Variants in GPD1 observed in about 807,000 individuals in gnomAD.
The protein encoded by GPD1 is glycerol-3-phosphate dehydrogenase [NAD(+)], cytoplasmic.
Under a neutral mutation model 34.4 loss-of-function variants are expected in GPD1, and 19 were observed. The ratio of observed to expected loss-of-function variants is 0.55; its 90% confidence interval spans 0.39 to 0.81. The LOEUF is 0.81. Ranked by LOEUF, GPD1 falls within the 30% of genes least tolerant of loss-of-function variation. GPD1 has a pLI of 0.00. For synonymous variants in GPD1, 172 were observed against 174.1 expected (o/e 0.99, Z 0.09); for missense variants, 429 against 447.0 (o/e 0.96, Z 0.36).
Position 50,109,409 on chromosome 12 carries a change from C to G in GPD1, c.954-14C>G, listed in dbSNP as rs376183083. The G allele has an allele frequency of 1.2e-5, 16 of 1,382,188 alleles. No individual in the cohort carries two copies. Among genetic ancestry groups the G allele is most frequent in the Admixed American group, 5.0e-5 (3 of 59,722 alleles). 85.6% of individuals were successfully genotyped at this position (1,382,188 alleles called of 1,614,324 possible). A position where few individuals can be genotyped will look rare whatever the true frequency, so the allele number is the denominator to read the frequency against. ...AGTGGGAGGCTAAGCTGAGCCTTTC[C>G]CTCTCCAATCTAGGTTTCCCTTGTT... On this transcript the variant is annotated splice_polypyrimidine_tract_variant and intron_variant, in intron 7 of 7. Coordinates refer to ENST00000301149, the MANE Select transcript of GPD1 (RefSeq NM_005276.4).
intron 1 of GPD1, 162 bp downstream of exon 1, chr12:50,104,253 AC>A: frequency 1.3e-6 from 1 of 748,130 alleles, no homozygotes; most frequent in South Asian, 1.5e-5. Context: ...CCCTCTCCTG[AC>A]CCCCGCCCTC....
At position 50,105,658 on chromosome 12, in the gene GPD1, G is replaced by A. The variant is rs771458779; in HGVS notation, c.330G>A (p.Lys110=). 6.2e-7 allele frequency: 1 copy of A among 1,614,208 alleles called. No individual in the cohort carries two copies. Among genetic ancestry groups the A allele is most frequent in the Non-Finnish European group, 8.5e-7 (1 of 1,180,026 alleles). The change falls in exon 3 of 8, where the codon AAG becomes AAA. Residue 110 remains lysine, a synonymous_variant. Transcript: ENST00000301149. Reference sequence around the variant, plus strand: ...GTGACCAGCTCAAGGGCCATCTGAAGGCAAACGCCACTGGCATATCTCTTA... The same window carrying A: ...GTGACCAGCTCAAGGGCCATCTGAAAGCAAACGCCACTGGCATATCTCTTA... ...KICDQLKGHL[K]ANATGISLIK...
rs140318679 is a variant in GPD1 at position 50,104,234 on chromosome 12, G to A, written c.41+143G>A. On this transcript the variant is annotated intron_variant, in intron 1 of 7. Coordinates refer to ENST00000301149, the MANE Select transcript of GPD1 (RefSeq NM_005276.4). ...TCTATCATAGCAGCACAGGACAGAC[G>A]GTGCCCGGCCCTCTCCTGACCCCCG... The A allele has an allele frequency of 1.4e-4, 116 of 844,792 alleles. No individual in the cohort carries two copies. The African/African-American group carries it at 1.5e-3, about 11-fold the overall frequency. 52.3% of individuals were successfully genotyped at this position (844,792 alleles called of 1,614,324 possible). A position where few individuals can be genotyped will look rare whatever the true frequency, so the allele number is the denominator to read the frequency against.
At chr12:50,107,455 T>C (rs1167908535) in intron 5 of GPD1, 112 bp from the exon 6 acceptor site, 1 of 870,812 alleles carries the variant, frequency 1.1e-6, no homozygotes, top group Non-Finnish European at 2.0e-6. Context: ...GGCCACACAC[T>C]ATACCTCTCT....
chr12:50,106,454 C>T, intron 4 of GPD1, 28 bp downstream of exon 4: 4 of 1,601,688 alleles, frequency 2.5e-6, no homozygotes, highest in Non-Finnish European at 3.4e-6. Context: ...CCTGCATACA[C>T]AGTGCATCTA....
chr12:50,107,721 G>A lies in GPD1; in HGVS notation c.767G>A (p.Cys256Tyr), dbSNP rs770201279. The change falls in exon 6 of 8, where the codon TGT becomes TAT. Residue 256 changes from cysteine to tyrosine, a missense_variant. Physicochemically the swap from Cys to Tyr is radical, Grantham distance 194. Coordinates refer to ENST00000301149, the MANE Select transcript of GPD1 (RefSeq NM_005276.4). The stretch of plus-strand genomic sequence containing the variant: ...TCCTCTGCCACCTTCTTGGAGAGCT[G>A]TGGTGTTGCTGACCTGATCACTACC... ...PVSSATFLES[C>Y]GVADLITTCY... is the part of the protein sequence containing the mutation. 1 of 1,614,132 alleles carries A rather than the reference G, an allele frequency of 6.2e-7. No individual in the cohort carries two copies. The highest frequency in any genetic ancestry group is 8.5e-7 in the Non-Finnish European group (1 of 1,179,992).
chr12:50,110,308 C>T lies in GPD1; in HGVS notation c.*789C>T, dbSNP rs1456989032. On this transcript the variant is annotated 3_prime_UTR_variant, in exon 8 of 8. Transcript: ENST00000301149. ...CCAAGCCTTCCCTCACCCTCCCCGC[C>T]AGCACCCTCTTTGGGGAGCAGGAAC... 6.5e-6 allele frequency: 1 copy of T among 152,898 alleles called. No homozygotes were observed. Among genetic ancestry groups the T allele is most frequent in the Non-Finnish European group, 1.5e-5 (1 of 68,198 alleles). The allele number at this position is 152,898 out of a possible 1,614,324, so 9.5% of individuals were successfully genotyped here. A position where few individuals can be genotyped will look rare whatever the true frequency, so the allele number is the denominator to read the frequency against.
chr12:50,104,308 C>A, intron 1 of GPD1: 1 of 701,848 alleles, frequency 1.4e-6, no homozygotes, highest in South Asian at 1.5e-5. Context: ...GTCTCCAGAG[C>A]TCTCTATGTG....
chr12:50,104,385 G>A (rs1184615397), intron 1 of GPD1, 189 bp from the exon 2 acceptor site: 2 of 711,664 alleles, frequency 2.8e-6, no homozygotes, highest in Non-Finnish European at 5.2e-6. Context: ...AGCAAAGGGT[G>A]AGGAGACTGA....
At chr12:50,106,155 C>G (rs1950976546) in intron 3 of GPD1, 133 bp from the exon 4 acceptor site, 1 of 772,824 alleles carries the variant, frequency 1.3e-6, no homozygotes, top group Admixed American at 2.9e-5. Flanking sequence ...CAAACTTGAG[C>G]TGGGTTGGAA....
chr12:50,107,118 G>A (rs748034249), intron 5 of GPD1: 19 of 691,604 alleles, frequency 2.7e-5, no homozygotes, highest in South Asian at 1.1e-4. Context: ...TCATCAGACC[G>A]TGGACCCCCT....
intron 4 of GPD1, 62 bp downstream of exon 4, chr12:50,106,488 C>A: frequency 7.0e-7 from 1 of 1,420,446 alleles, no homozygotes; most frequent in Non-Finnish European, 9.9e-7. Context: ...CCCAAACTGC[C>A]CCAACCCCAC....
intron 2 of GPD1, chr12:50,105,305 G>C (rs1171521355): frequency 3.6e-6 from 2 of 560,216 alleles, no homozygotes; most frequent in Non-Finnish European, 6.4e-6. Flanking sequence ...ATAGGAGAGT[G>C]CTGGGATGAG....
rs1016231832 is a variant in GPD1, at chr12:50,109,980, C to G, written c.*461C>G. The stretch of plus-strand genomic sequence containing the variant: ...AAGGATTGTCAGGGAGGGGTCTGGG[C>G]TTCTGAGCTGATGCAGGCCCCAAGG... On this transcript the variant is annotated 3_prime_UTR_variant, in exon 8 of 8. Transcript: ENST00000301149. 7.0e-5 allele frequency: 11 copies of G among 157,914 alleles called. No homozygotes were observed. Among genetic ancestry groups the G allele is most frequent in the African/African-American group, 2.6e-4 (11 of 41,570 alleles). The allele number at this position is 157,914 out of a possible 1,614,324, so 9.8% of individuals were successfully genotyped here. A position where few individuals can be genotyped will look rare whatever the true frequency, so the allele number is the denominator to read the frequency against.
intron 4 of GPD1, 62 bp downstream of exon 4, chr12:50,106,488 C>T (rs557952928): frequency 1.4e-5 from 20 of 1,420,446 alleles, no homozygotes; most frequent in Middle Eastern, 3.5e-4. Flanking sequence ...CCCAAACTGC[C>T]CCAACCCCAC....
chr12:50,107,777 G>A lies in GPD1; in HGVS notation c.823G>A (p.Glu275Lys). ...TGGAGGGCGGAACCGGAAAGTGGCT[G>A]AGGCCTTTGCGCGTACAGGAAAGGT... ...CYGGRNRKVA[E>K]AFARTGKSIE... Residue 275 changes from glutamate (E) to lysine (K), a missense_variant, in exon 6 of 8, where the codon GAG (glutamate) becomes AAG (lysine). Transcript: ENST00000301149. The A allele has an allele frequency of 6.2e-7, 1 of 1,613,636 alleles. No homozygotes were observed. The highest frequency in any genetic ancestry group is 8.5e-7 in the Non-Finnish European group (1 of 1,179,500).
intron 5 of GPD1, 28 bp downstream of exon 5, chr12:50,106,945 G>A (rs779696252): frequency 2.1e-6 from 3 of 1,406,268 alleles, no homozygotes; most frequent in Non-Finnish European, 3.0e-6. Context: ...GCAGCTATGG[G>A]GTGAGGAGAA....
In GPD1 at chr12:50,104,610, A is replaced by G; in HGVS notation, c.78A>G (p.Ala26=). Residue 26 remains alanine (A), a synonymous_variant, in exon 2 of 8, where the codon GCA becomes GCG. Transcript: ENST00000301149. ...SAIAKIVGGN[A]AQLAQFDPRV... The stretch of plus-strand genomic sequence containing the variant: ...TCGCCAAGATCGTGGGTGGCAATGC[A>G]GCCCAGCTGGCACAGTTTGACCCAC... The G allele has an allele frequency of 6.2e-7, 1 of 1,613,870 alleles. No individual in the cohort carries two copies. The highest frequency in any genetic ancestry group is 8.5e-7 in the Non-Finnish European group (1 of 1,179,750).
intron 3 of GPD1, 37 bp downstream of exon 3, chr12:50,105,725 C>T (rs375009098): frequency 2.4e-5 from 39 of 1,606,100 alleles, no homozygotes; most frequent in South Asian, 2.0e-4. Flanking sequence ...GGGGAGGGTG[C>T]GGCTCACTGT....
Sources: allele counts gnomAD v4.1 joint callset, GRCh38; gene constraint gnomAD v4.1.1; transcripts MANE v1.5; gene names NCBI Gene and HGNC (gene_info 2026-07-23, HGNC 2026-07-21).